Variants in CAMK1D observed in about 807,000 individuals in gnomAD.
CAMK1D encodes calcium/calmodulin dependent protein kinase ID.
In CAMK1D, 9 loss-of-function variants were observed where a neutral mutation model predicts 47.7. The observed-to-expected ratio is 0.19, with a 90% CI of 0.11 to 0.33. The LOEUF (loss-of-function observed/expected upper bound fraction) is 0.33. Ranked by LOEUF, CAMK1D falls within the 10% of genes least tolerant of loss-of-function variation. CAMK1D has a pLI of 1.00. For synonymous variants in CAMK1D, 184 were observed against 184.9 expected, an observed-to-expected ratio of 0.99 and a Z score of 0.04; for missense variants, 291 against 488.7, an observed-to-expected ratio of 0.60 and a Z score of 3.81.
chr10:12,516,169 G>A (rs1460254931), intron 1 of CAMK1D, among the ~76,000 whole-genome samples: 1 of 152,118 alleles, frequency 6.6e-6, no homozygotes, highest in Non-Finnish European at 1.5e-5. Context: ...GAGTGCAGTG[G>A]CGTCATCTTG....
chr10:12,450,743 T>C (rs1455452840), intron 1 of CAMK1D, among the ~76,000 whole-genome samples: 1 of 152,238 alleles, frequency 6.6e-6, no homozygotes, highest in Non-Finnish European at 1.5e-5. Context: ...GACAGCCCTT[T>C]GCATTTAGTT....
chr10:12,787,722 C>T (rs983808163), intron 5 of CAMK1D, among the ~76,000 whole-genome samples: 2 of 152,248 alleles, frequency 1.3e-5, no homozygotes, highest in African/African-American at 4.8e-5. Flanking sequence ...TCACCAGAGG[C>T]CGGGCGCGGT....
rs116771811 is a variant in CAMK1D at position 12,573,454 on chromosome 10, A to T, written c.224+20098A>T. ...ACGAAAGTCAGCTGTGAGGCAGGACATCATCATCGTCTAGATATTTCAGGT... is the reference window on the plus strand; with the variant it reads ...ACGAAAGTCAGCTGTGAGGCAGGACTTCATCATCGTCTAGATATTTCAGGT... On this transcript the variant is annotated intron_variant, in intron 2 of 10. Coordinates refer to ENST00000619168, the MANE Select transcript of CAMK1D (RefSeq NM_153498.4). 1.8e-3 allele frequency among the ~76,000 whole-genome samples: 271 copies of T among 152,328 alleles called. 1 individual carries two copies. Among genetic ancestry groups the T allele is most frequent in the African/African-American group, 6.1e-3 (255 of 41,566 alleles).
chr10:12,818,580 G>A (rs1832898107), intron 8 of CAMK1D, among the ~76,000 whole-genome samples: 1 of 151,816 alleles, frequency 6.6e-6, no homozygotes, highest in African/African-American at 2.4e-5. Context: ...CTGAGGCCTG[G>A]AAATCACTTG....
intron 1 of CAMK1D, among the ~76,000 whole-genome samples, chr10:12,525,684 CTGGGGGTTGGCATCTAT>C (rs1400640342): frequency 6.6e-6 from 1 of 152,126 alleles, no homozygotes; most frequent in Non-Finnish European, 1.5e-5. Flanking sequence ...TCTGAATTGT[CTGGGGGTTGGCATCTAT>C]TGATTGTGTT....
At chr10:12,391,976 A>AACACAC (rs10659393) in intron 1 of CAMK1D, among the ~76,000 whole-genome samples, 7,564 of 143,168 alleles carry the variant, frequency 0.053, 198 homozygotes, top group South Asian at 0.069. Flanking sequence ...CTTGTCTTAA[A>AACACAC]ACACACACAC....
intron 3 of CAMK1D, among the ~76,000 whole-genome samples, chr10:12,691,267 C>T (rs1402037118): frequency 6.7e-6 from 1 of 150,224 alleles, no homozygotes; most frequent in South Asian, 2.1e-4. Flanking sequence ...CCTCCAGTGT[C>T]GGTATCAATT....
chr10:12,498,614 G>A (rs1414031427), intron 1 of CAMK1D, among the ~76,000 whole-genome samples: 2 of 152,204 alleles, frequency 1.3e-5, no homozygotes, highest in South Asian at 4.1e-4. Flanking sequence ...GATGTCATCA[G>A]GGAGGGGCTA....
At chr10:12,423,706 G>A (rs938937844) in intron 1 of CAMK1D, among the ~76,000 whole-genome samples, 1 of 152,154 alleles carries the variant, frequency 6.6e-6, no homozygotes, top group Non-Finnish European at 1.5e-5. Flanking sequence ...AGCTTGAAAC[G>A]ATAGTTTTGA....
At chr10:12,524,262 G>C (rs1835544853) in intron 1 of CAMK1D, among the ~76,000 whole-genome samples, 1 of 151,858 alleles carries the variant, frequency 6.6e-6, no homozygotes, top group African/African-American at 2.4e-5. Flanking sequence ...ACTGCACCTG[G>C]CCAGGATTTA....
chr10:12,619,694 A>G (rs1465903941), intron 2 of CAMK1D, among the ~76,000 whole-genome samples: 1 of 152,170 alleles, frequency 6.6e-6, no homozygotes, highest in Non-Finnish European at 1.5e-5. Flanking sequence ...GTGAGATCTC[A>G]TGTACCCTTT....
At chr10:12,443,697 T>C (rs1832850633) in intron 1 of CAMK1D, among the ~76,000 whole-genome samples, 1 of 152,192 alleles carries the variant, frequency 6.6e-6, no homozygotes, top group Non-Finnish European at 1.5e-5. Flanking sequence ...TGGAGTGATC[T>C]TGGCTCACTA....
intron 1 of CAMK1D, among the ~76,000 whole-genome samples, chr10:12,455,494 G>A (rs576176818): frequency 6.6e-6 from 1 of 152,290 alleles, no homozygotes; most frequent in African/African-American, 2.4e-5. Context: ...GGTTCTGACT[G>A]TTGTCACCTT....
chr10:12,534,359 A>G (rs946506633), intron 1 of CAMK1D, among the ~76,000 whole-genome samples: 1 of 151,134 alleles, frequency 6.6e-6, no homozygotes, highest in African/African-American at 2.4e-5. Context: ...ATAGGCACCC[A>G]CCACCAGACC....
intron 5 of CAMK1D, among the ~76,000 whole-genome samples, chr10:12,776,853 G>A (rs1837270534): frequency 6.6e-6 from 1 of 152,160 alleles, no homozygotes; most frequent in Non-Finnish European, 1.5e-5. Context: ...TAGAGGGTGA[G>A]AAAAGACCCT....
chr10:12,550,833 A>G (rs1336543046), intron 1 of CAMK1D, among the ~76,000 whole-genome samples: 2 of 152,256 alleles, frequency 1.3e-5, no homozygotes, highest in Admixed American at 1.3e-4. Context: ...CCATGAAGCT[A>G]TAGACAAGCT....
intron 2 of CAMK1D, among the ~76,000 whole-genome samples, chr10:12,627,764 T>C (rs1334856402): frequency 6.6e-6 from 1 of 152,166 alleles, no homozygotes; most frequent in Non-Finnish European, 1.5e-5. Context: ...GAGGTGTTTA[T>C]TCATTTACCT....
intron 4 of CAMK1D, among the ~76,000 whole-genome samples, chr10:12,762,750 C>T (rs1190946051): frequency 6.6e-6 from 1 of 152,102 alleles, no homozygotes; most frequent in East Asian, 1.9e-4. Context: ...TGGCTGTGGG[C>T]GTGGTCAGCT....
chr10:12,566,822 C>T (rs1161482522), intron 2 of CAMK1D, among the ~76,000 whole-genome samples: 2 of 152,194 alleles, frequency 1.3e-5, no homozygotes, highest in Non-Finnish European at 2.9e-5. Flanking sequence ...CCAGATTCCA[C>T]AATGGGATAT....
Sources: allele counts gnomAD v4.1 joint callset (sites outside exome capture counted in the v4.1 genomes callset), GRCh38; gene constraint gnomAD v4.1.1; transcripts MANE v1.5; gene names NCBI Gene and HGNC (gene_info 2026-07-23, HGNC 2026-07-21).